Variants in ZMYND11 observed in about 807,000 individuals in gnomAD.
ZMYND11 encodes zinc finger MYND domain-containing protein 11.
ZMYND11 carries 9 observed loss-of-function variants against 84.9 expected under a neutral mutation model. That is an observed-to-expected ratio of 0.11 (90% CI 0.06 to 0.18). ZMYND11 has a LOEUF of 0.18. Ranked by LOEUF, ZMYND11 falls within the 10% of genes least tolerant of loss-of-function variation. The pLI is 1.00. For missense variants in ZMYND11, 409 were observed against 761.0 expected, an observed-to-expected ratio of 0.54 and a Z score of 5.44; for synonymous variants, 250 against 244.1, an observed-to-expected ratio of 1.02 and a Z score of -0.23.
intron 4 of ZMYND11, among the ~76,000 whole-genome samples, chr10:231,368 T>G (rs1182566327): frequency 6.6e-6 from 1 of 152,204 alleles, no homozygotes; most frequent in Admixed American, 6.5e-5. Flanking sequence ...TAGATAAATA[T>G]GTCTGAAAAA....
chr10:220,420 T>C (rs1447269770), intron 3 of ZMYND11, among the ~76,000 whole-genome samples: 7 of 152,144 alleles, frequency 4.6e-5, no homozygotes, highest in African/African-American at 1.7e-4. Context: ...TTGCTTTGTA[T>C]ACTTAAAGGG....
chr10:208,317 C>T (rs1001944189), intron 2 of ZMYND11, among the ~76,000 whole-genome samples: 1 of 152,152 alleles, frequency 6.6e-6, no homozygotes, highest in South Asian at 2.1e-4. Context: ...TAAAGAGCTT[C>T]TGCACAGCAA....
intron 4 of ZMYND11, among the ~76,000 whole-genome samples, chr10:233,892 G>A (rs1368139210): frequency 6.6e-6 from 1 of 152,224 alleles, no homozygotes; most frequent in African/African-American, 2.4e-5. Flanking sequence ...CAAATTAGCA[G>A]TTCATTTGAA....
At chr10:141,466 C>G (rs1162500487) in intron 1 of ZMYND11, among the ~76,000 whole-genome samples, 2 of 152,206 alleles carry the variant, frequency 1.3e-5, no homozygotes, top group Non-Finnish European at 2.9e-5. Flanking sequence ...AGCTACTGCA[C>G]TCCGACCTGG....
chr10:190,745 CT>C (rs1371905584), intron 2 of ZMYND11, among the ~76,000 whole-genome samples: 2 of 152,128 alleles, frequency 1.3e-5, no homozygotes, highest in Non-Finnish European at 2.9e-5. Context: ...TGCCTGAGCA[CT>C]TTATGGATTC....
intron 2 of ZMYND11, among the ~76,000 whole-genome samples, chr10:209,089 G>C (rs548295118): frequency 6.6e-6 from 1 of 151,936 alleles, no homozygotes; most frequent in African/African-American, 2.4e-5. Context: ...TTGTTTGGAG[G>C]AGAGTGGAAA....
chr10:229,004 A>G (rs1370179722), intron 4 of ZMYND11, among the ~76,000 whole-genome samples: 1 of 152,148 alleles, frequency 6.6e-6, no homozygotes, highest in Non-Finnish European at 1.5e-5. Context: ...GTTTTTTTCT[A>G]TCACGGTTTG....
intron 1 of ZMYND11, among the ~76,000 whole-genome samples, chr10:161,746 C>T (rs1588552636): frequency 6.6e-6 from 1 of 152,216 alleles, no homozygotes; most frequent in East Asian, 1.9e-4. Context: ...TTCCTCACGT[C>T]TCTCAGCCTT....
chr10:184,327 TTGGAGCCTCTCTTAGTA>T (rs1848489948), intron 2 of ZMYND11, among the ~76,000 whole-genome samples: 1 of 152,226 alleles, frequency 6.6e-6, no homozygotes, highest in Admixed American at 6.5e-5. Flanking sequence ...CTTATTTAGT[TTGGAGCCTCTCTTAGTA>T]TGTTGGATCT....
chr10:174,405 A>G (rs1846075535), intron 1 of ZMYND11, among the ~76,000 whole-genome samples: 1 of 152,252 alleles, frequency 6.6e-6, no homozygotes, highest in Non-Finnish European at 1.5e-5. Context: ...GAAGGAAGGG[A>G]TGAATAGGTG....
chr10:136,097 C>A (rs933694620), intron 1 of ZMYND11, among the ~76,000 whole-genome samples: 1 of 151,998 alleles, frequency 6.6e-6, no homozygotes, highest in Non-Finnish European at 1.5e-5. Flanking sequence ...ATTCGTCGGT[C>A]CCCCGGGGCT....
At chr10:226,775 C>T (rs949232981) in intron 4 of ZMYND11, among the ~76,000 whole-genome samples, 1 of 152,108 alleles carries the variant, frequency 6.6e-6, no homozygotes, top group African/African-American at 2.4e-5. Context: ...TGGATTTTTA[C>T]AATTGCTTGA....
chr10:247,258 T>G, intron 11 of ZMYND11, 140 bp from the exon 12 acceptor site: 1 of 989,372 alleles, frequency 1.0e-6, no homozygotes. Context: ...GTAAATTAAG[T>G]CAGTGGTAAC....
intron 2 of ZMYND11, among the ~76,000 whole-genome samples, chr10:205,682 C>T (rs778208314): frequency 6.6e-6 from 1 of 151,492 alleles, no homozygotes; most frequent in Non-Finnish European, 1.5e-5. Flanking sequence ...AGAGTGAGAC[C>T]CTGTACAAAA....
chr10:186,919 A>G (rs936910397), intron 2 of ZMYND11, among the ~76,000 whole-genome samples: 4 of 151,900 alleles, frequency 2.6e-5, no homozygotes, highest in Admixed American at 6.6e-5. Context: ...TTTTTTCCCC[A>G]CATTCTTTTA....
chr10:167,973 G>T (rs1844400789), intron 1 of ZMYND11, among the ~76,000 whole-genome samples: 1 of 152,056 alleles, frequency 6.6e-6, no homozygotes, highest in Non-Finnish European at 1.5e-5. Flanking sequence ...CCATTAAACA[G>T]TAACTCTTGA....
chr10:136,756 A>G (rs1836187910), intron 1 of ZMYND11, among the ~76,000 whole-genome samples: 1 of 152,046 alleles, frequency 6.6e-6, no homozygotes, highest in African/African-American at 2.4e-5. Context: ...TACTGTGTGC[A>G]CACAGTACTT....
At chr10:196,774 G>GATTA (rs1215411397) in intron 2 of ZMYND11, among the ~76,000 whole-genome samples, 1 of 152,172 alleles carries the variant, frequency 6.6e-6, no homozygotes, top group African/African-American at 2.4e-5. Context: ...GTAAGACATT[G>GATTA]ATTAATTCAT....
chr10:238,461 A>G (rs1564440790), intron 6 of ZMYND11, among the ~76,000 whole-genome samples: 1 of 151,678 alleles, frequency 6.6e-6, no homozygotes, highest in African/African-American at 2.4e-5. Flanking sequence ...GGTTCACGCC[A>G]TTCTCCTGCC....
Sources: allele counts gnomAD v4.1 joint callset (sites outside exome capture counted in the v4.1 genomes callset), GRCh38; gene constraint gnomAD v4.1.1; transcripts MANE v1.5; gene names NCBI Gene and HGNC (gene_info 2026-07-23, HGNC 2026-07-21).